Variants in DST observed in about 807,000 individuals in gnomAD.
DST encodes the protein dystonin.
Under a neutral mutation model 875.2 loss-of-function variants are expected in DST, and 253 were observed. The observed-to-expected ratio is 0.29, with a 90% CI of 0.26 to 0.32. The LOEUF (loss-of-function observed/expected upper bound fraction) is 0.32. Among genes scored for constraint, DST ranks in the 10% least tolerant of loss-of-function variants. The probability of loss-of-function intolerance (pLI) is 1.00; values close to 1 mark genes in which losing one functional copy is unlikely to be tolerated. For synonymous variants in DST, 3,124 were observed against 3,197.1 expected (o/e 0.98, Z 0.77); for missense variants, 8,287 against 9,111.6 (o/e 0.91, Z 3.68).
intron 49 of DST, among the ~76,000 whole-genome samples, 198 bp downstream of exon 49, chr6:56,591,981 CAAA>C (rs34682914): frequency 3.1e-5 from 2 of 63,940 alleles, no homozygotes; most frequent in Non-Finnish European, 2.8e-5. Flanking sequence ...GACTCCATCT[CAAA>C]AAAAAAAAAA....
At chr6:56,643,426 T>C (rs1489203031) in intron 15 of DST, among the ~76,000 whole-genome samples, 1 of 152,190 alleles carries the variant, frequency 6.6e-6, no homozygotes, top group African/African-American at 2.4e-5. Context: ...TATGACACGC[T>C]CCCAGTAATG....
intron 73 of DST, 27 bp from the exon 74 acceptor site, chr6:56,509,900 A>C (rs572471755): frequency 6.6e-7 from 1 of 1,506,220 alleles, no homozygotes; most frequent in African/African-American, 1.4e-5. Flanking sequence ...GAGATCTTTT[A>C]TGGAAAAAAG....
chr6:56,671,819 C>A (rs989051714), intron 9 of DST, among the ~76,000 whole-genome samples: 1 of 152,178 alleles, frequency 6.6e-6, no homozygotes, highest in Non-Finnish European at 1.5e-5. Context: ...ATATGAAGAA[C>A]AAATCATTCT....
In DST at chr6:56,701,915, A is replaced by G. The variant is rs749050965; in HGVS notation, c.927T>C (p.Ile309=). 1 of 1,611,440 alleles carries G rather than the reference A, an allele frequency of 6.2e-7. No individual in the cohort carries two copies. The highest frequency in any genetic ancestry group is 1.1e-5 in the South Asian group (1 of 90,828). ...MRFHRLQNVQ[I]ALDYLKRRQV... ...GGCGTCTTTTCAAATAGTCAAGTGCAATTTGTACATTCTGTAGTCTGTGAA... is the reference window on the plus strand; with the variant it reads ...GGCGTCTTTTCAAATAGTCAAGTGCGATTTGTACATTCTGTAGTCTGTGAA... Residue 309 remains isoleucine (I), a synonymous_variant, in exon 8 of 104, where the codon ATT becomes ATC. Coordinates refer to ENST00000680361, the MANE Select transcript of DST (RefSeq NM_001374736.1).
At chr6:56,836,838 G>A (rs1462932313) in intron 4 of DST, among the ~76,000 whole-genome samples, 1 of 135,402 alleles carries the variant, frequency 7.4e-6, no homozygotes, top group Non-Finnish European at 1.6e-5. Context: ...GCCACAGAGA[G>A]AGACTCCATC....
intron 63 of DST, 113 bp downstream of exon 63, chr6:56,535,009 G>A (rs2096968193): frequency 1.6e-6 from 2 of 1,223,960 alleles, no homozygotes; most frequent in Non-Finnish European, 2.3e-6. Context: ...GTCTACAGCA[G>A]CAACAACCGG....
chr6:56,899,771 G>T (rs183821036), intron 3 of DST, among the ~76,000 whole-genome samples: 1 of 152,192 alleles, frequency 6.6e-6, no homozygotes, highest in Non-Finnish European at 1.5e-5. Context: ...ACAGAACAAC[G>T]TGCTCAGGAT....
chr6:56,944,173 A>T (rs1257196718), intron 2 of DST, among the ~76,000 whole-genome samples: 1 of 152,170 alleles, frequency 6.6e-6, no homozygotes, highest in Admixed American at 6.5e-5. Flanking sequence ...TTTCCCCTTA[A>T]GGAAAAGAGG....
chr6:56,637,301 T>C (rs1210895134), intron 22 of DST, among the ~76,000 whole-genome samples: 1 of 152,168 alleles, frequency 6.6e-6, no homozygotes, highest in East Asian at 1.9e-4. Flanking sequence ...GGAAAAAATA[T>C]TTAAAAACTA....
intron 2 of DST, among the ~76,000 whole-genome samples, chr6:56,921,816 A>C (rs899508860): frequency 6.6e-6 from 1 of 152,146 alleles, no homozygotes; most frequent in Non-Finnish European, 1.5e-5. Context: ...TATTTCGTAT[A>C]TTTATCTCCA....
intron 9 of DST, among the ~76,000 whole-genome samples, chr6:56,696,979 G>C (rs1348722823): frequency 3.3e-5 from 5 of 152,042 alleles, no homozygotes; most frequent in African/African-American, 1.2e-4. Flanking sequence ...GATCACTTGT[G>C]TAGTGATAAC....
intron 4 of DST, among the ~76,000 whole-genome samples, chr6:56,824,710 TGAG>T (rs1308754434): frequency 6.7e-6 from 1 of 149,980 alleles, no homozygotes; most frequent in African/African-American, 2.5e-5. Flanking sequence ...ATCTGAGAAG[TGAG>T]GAGACCCTCT....
At chr6:56,665,177 G>T (rs776063727) in intron 10 of DST, among the ~76,000 whole-genome samples, 7 of 152,104 alleles carry the variant, frequency 4.6e-5, no homozygotes, top group Non-Finnish European at 1.0e-4. Context: ...TCCTTAAGTT[G>T]TTATGAGTTG....
chr6:56,943,144 A>G (rs1817559972), intron 2 of DST, among the ~76,000 whole-genome samples: 1 of 152,182 alleles, frequency 6.6e-6, no homozygotes, highest in African/African-American at 2.4e-5. Flanking sequence ...AATTATACAT[A>G]AAAATTGCCT....
chr6:56,565,836 G>T (rs1050590336), intron 55 of DST, among the ~76,000 whole-genome samples: 11 of 152,192 alleles, frequency 7.2e-5, no homozygotes, highest in Non-Finnish European at 7.3e-5. Flanking sequence ...CCAGGGAGAT[G>T]GGGGTTTTAT....
chr6:56,611,381 T>C, intron 38 of DST, 127 bp downstream of exon 38: 1 of 518,272 alleles, frequency 1.9e-6, no homozygotes, highest in Non-Finnish European at 3.4e-6. Context: ...TACATTACTA[T>C]ATTAATTGTG....
At chr6:56,616,049 C>A in intron 36 of DST, 1 of 1,614,184 alleles carries the variant, frequency 6.2e-7, no homozygotes, top group Non-Finnish European at 8.5e-7. Flanking sequence ...GGCAGTAATC[C>A]GATCAACCAA....
At chr6:56,639,147 T>G (rs1396445289) in intron 22 of DST, 112 bp downstream of exon 22, 1 of 933,704 alleles carries the variant, frequency 1.1e-6, no homozygotes, top group Admixed American at 2.0e-5. Context: ...CTGAGCCAGG[T>G]TTTAATAAAA....
intron 9 of DST, among the ~76,000 whole-genome samples, chr6:56,687,371 G>A (rs945530178): frequency 1.3e-5 from 2 of 152,076 alleles, no homozygotes; most frequent in African/African-American, 2.4e-5. Flanking sequence ...CCTTAACATC[G>A]GTAGGAAGAT....
Sources: allele counts gnomAD v4.1 joint callset (sites outside exome capture counted in the v4.1 genomes callset), GRCh38; gene constraint gnomAD v4.1.1; transcripts MANE v1.5; gene names NCBI Gene and HGNC (gene_info 2026-07-23, HGNC 2026-07-21).